Variants in RANBP17 observed in about 807,000 individuals in gnomAD.
The protein encoded by RANBP17 is ran-binding protein 17.
RANBP17 carries 158 observed loss-of-function variants against 141.2 expected under a neutral mutation model. The ratio of observed to expected loss-of-function variants is 1.12; its 90% CI spans 0.98 to 1.28. RANBP17 has a LOEUF of 1.28. Ranked by LOEUF, RANBP17 falls within the 50% of genes most tolerant of loss-of-function variation. The pLI is 0.00. For missense variants in RANBP17, 1,438 were observed against 1,290.7 expected (o/e 1.11, Z -1.75); for synonymous variants, 430 against 450.0 (o/e 0.96, Z 0.56).
chr5:171,061,695 T>C (rs879479183), intron 14 of RANBP17, among the ~76,000 whole-genome samples: 57 of 152,312 alleles, frequency 3.7e-4, no homozygotes, highest in Admixed American at 2.6e-3. Flanking sequence ...GGTGCAGAGC[T>C]CAGTTCAAAT....
In RANBP17 at chr5:171,213,693, G is replaced by T; in HGVS notation, c.2294G>T (p.Cys765Phe). 1 of 1,613,812 alleles carries T rather than the reference G, an allele frequency of 6.2e-7. No individual in the cohort carries two copies. Among genetic ancestry groups the T allele is most frequent in the Non-Finnish European group, 8.5e-7 (1 of 1,179,776 alleles). Reference sequence around the variant, plus strand: ...GAACGGTGGTATGGAGAGCCAACATGTACAACTCCCATCTTGAAACTTATG... The same window carrying T: ...GAACGGTGGTATGGAGAGCCAACATTTACAACTCCCATCTTGAAACTTATG... Reference protein sequence around the residue: ...AVERWYGEPTCTTPILKLMAE... With the variant: ...AVERWYGEPTFTTPILKLMAE... The change falls in exon 21 of 28, where the codon TGT (cysteine) becomes TTT (phenylalanine). Residue 765 changes from cysteine (C) to phenylalanine (F), a missense_variant. Physicochemically the swap from Cys to Phe is radical, Grantham distance 205. Coordinates refer to ENST00000523189, the MANE Select transcript of RANBP17 (RefSeq NM_022897.5).
At chr5:170,988,878 G>T (rs1778328070) in intron 14 of RANBP17, among the ~76,000 whole-genome samples, 1 of 151,710 alleles carries the variant, frequency 6.6e-6, no homozygotes, top group South Asian at 2.1e-4. Context: ...AGCCAGGCAT[G>T]GTGGCAATGC....
chr5:170,952,844 C>T (rs1444764069), intron 12 of RANBP17, among the ~76,000 whole-genome samples: 1 of 151,864 alleles, frequency 6.6e-6, no homozygotes, highest in African/African-American at 2.4e-5. Flanking sequence ...TCAATGAATC[C>T]AGAGATATAA....
At chr5:171,091,645 G>A (rs1357485752) in intron 14 of RANBP17, among the ~76,000 whole-genome samples, 1 of 152,150 alleles carries the variant, frequency 6.6e-6, no homozygotes, top group Non-Finnish European at 1.5e-5. Context: ...ATGTGTTGTG[G>A]GAGGGACCTG....
At chr5:171,216,985 T>C (rs1293303080) in intron 21 of RANBP17, among the ~76,000 whole-genome samples, 1 of 152,230 alleles carries the variant, frequency 6.6e-6, no homozygotes, top group Non-Finnish European at 1.5e-5. Context: ...CGTTGTCTTG[T>C]GCTGGTTTTC....
intron 11 of RANBP17, among the ~76,000 whole-genome samples, chr5:170,922,823 C>T (rs1772586277): frequency 6.6e-6 from 1 of 152,140 alleles, no homozygotes; most frequent in Non-Finnish European, 1.5e-5. Flanking sequence ...CCGTGGGCTG[C>T]ACCCACTGTC....
At chr5:171,294,062 G>A (rs955651549) in intron 26 of RANBP17, 81 bp downstream of exon 26, 90 of 1,035,024 alleles carry the variant, frequency 8.7e-5, no homozygotes, top group Admixed American at 1.5e-4. Flanking sequence ...CTGTGATGAC[G>A]AAGGACAGAG....
chr5:171,045,613 TAC>T (rs1782531927), intron 14 of RANBP17, among the ~76,000 whole-genome samples: 1 of 152,114 alleles, frequency 6.6e-6, no homozygotes, highest in South Asian at 2.1e-4. Flanking sequence ...TAATAAAAAA[TAC>T]AGATTCCAAG....
At chr5:170,910,858 G>A in intron 6 of RANBP17, 111 bp from the exon 7 acceptor site, 2 of 1,091,944 alleles carry the variant, frequency 1.8e-6, no homozygotes, top group Non-Finnish European at 2.6e-6. Flanking sequence ...GTATAACTTT[G>A]TAAACTCCTT....
At chr5:171,016,919 A>G (rs1282404493) in intron 14 of RANBP17, among the ~76,000 whole-genome samples, 3 of 11,862 alleles carry the variant, frequency 2.5e-4, no homozygotes, top group Admixed American at 6.3e-4. Context: ...CCACCCCCCA[A>G]CAGGCCCTGG....
intron 12 of RANBP17, among the ~76,000 whole-genome samples, chr5:170,952,809 CA>C (rs1775309368): frequency 6.6e-6 from 1 of 151,956 alleles, no homozygotes; most frequent in African/African-American, 2.4e-5. Context: ...GTAAAGGTCT[CA>C]AAAGTACTGA....
At chr5:170,918,622 T>C (rs1480999241) in intron 9 of RANBP17, 91 bp from the exon 10 acceptor site, 1 of 1,032,026 alleles carries the variant, frequency 9.7e-7, no homozygotes, top group South Asian at 2.2e-5. Context: ...CTCATGAAAA[T>C]TGGGAGACTT....
chr5:170,866,121 C>G (rs1013165462), intron 1 of RANBP17, among the ~76,000 whole-genome samples: 6 of 152,166 alleles, frequency 3.9e-5, no homozygotes, highest in Non-Finnish European at 7.3e-5. Context: ...TGATCCTAAA[C>G]ATGTAATTGG....
At chr5:171,060,064 G>A (rs1783702013) in intron 14 of RANBP17, among the ~76,000 whole-genome samples, 1 of 48,546 alleles carries the variant, frequency 2.1e-5, no homozygotes, top group Non-Finnish European at 4.2e-5. Context: ...GAGATTTTGG[G>A]CTGAGACAAT....
intron 13 of RANBP17, among the ~76,000 whole-genome samples, chr5:170,956,649 C>T (rs992660325): frequency 4.6e-5 from 7 of 151,890 alleles, no homozygotes; most frequent in African/African-American, 1.7e-4. Flanking sequence ...GGGGTTTCTC[C>T]ATGTTGGTCA....
intron 14 of RANBP17, among the ~76,000 whole-genome samples, chr5:171,159,917 C>CAAAAAAA (rs1175963382): frequency 0.022 from 794 of 36,848 alleles, no homozygotes; most frequent in Non-Finnish European, 0.033. Context: ...GACTCCATCT[C>CAAAAAAA]AAAAAAAAAA....
intron 22 of RANBP17, among the ~76,000 whole-genome samples, chr5:171,225,769 T>C (rs1047447866): frequency 2.0e-5 from 3 of 152,244 alleles, no homozygotes; most frequent in Admixed American, 6.5e-5. Flanking sequence ...TGACTTGTTA[T>C]GTATTTTGTG....
In RANBP17 at chr5:171,298,933, G is replaced by A; in HGVS notation, c.*75G>A. 1 of 1,133,186 alleles carries A rather than the reference G, an allele frequency of 8.8e-7. No individual in the cohort carries two copies. Among genetic ancestry groups the A allele is most frequent in the Non-Finnish European group, 1.3e-6 (1 of 752,428 alleles). 70.2% of individuals were successfully genotyped at this position (1,133,186 alleles called of 1,614,324 possible). On this transcript the variant is annotated 3_prime_UTR_variant, in exon 28 of 28. Transcript: ENST00000523189. ...AAGGTCTGGGTCTCAGGACAGTGATGTTGGCTAGCCCAGGGGAATGTATTT... is the reference window on the plus strand; with the variant it reads ...AAGGTCTGGGTCTCAGGACAGTGATATTGGCTAGCCCAGGGGAATGTATTT...
chr5:170,887,188 G>A (rs762562080), intron 3 of RANBP17, among the ~76,000 whole-genome samples: 1 of 152,072 alleles, frequency 6.6e-6, no homozygotes, highest in African/African-American at 2.4e-5. Flanking sequence ...TTTGGAAAGC[G>A]GTTCCTTTGA....
Sources: gnomAD v4.1 joint callset for allele counts (sites outside exome capture counted in the v4.1 genomes callset) on GRCh38, gnomAD v4.1.1 for gene constraint, MANE v1.5 for transcripts, NCBI Gene and HGNC (gene_info 2026-07-23, HGNC 2026-07-21) for gene names.